CHN2: variants seen among roughly 807,000 people sequenced by gnomAD.
CHN2 encodes the protein beta-chimaerin.
Under a neutral mutation model 56.3 loss-of-function variants are expected in CHN2, and 35 were observed. The ratio of observed to expected loss-of-function variants is 0.62; its 90% CI spans 0.47 to 0.82. The LOEUF is 0.82. Among genes scored for constraint, CHN2 ranks in the 40% least tolerant of loss-of-function variants. CHN2 has a pLI of 0.00. For missense variants in CHN2, 491 were observed against 580.5 expected, an observed-to-expected ratio of 0.85 and a Z score of 1.58; for synonymous variants, 210 against 212.8, an observed-to-expected ratio of 0.99 and a Z score of 0.12.
At chr7:29,375,102 C>T (rs189237776) in intron 3 of CHN2, among the ~76,000 whole-genome samples, 2,043 of 147,982 alleles carry the variant, frequency 0.014, 21 homozygotes, top group Non-Finnish European at 0.022. Context: ...ATTGGTCAGG[C>T]GGGTCTTGAA....
chr7:29,421,881 AAGGG>A (rs1804382845), intron 6 of CHN2, among the ~76,000 whole-genome samples: 1 of 152,182 alleles, frequency 6.6e-6, no homozygotes, highest in Admixed American at 6.5e-5. Flanking sequence ...GGGAAGATTT[AAGGG>A]ACTTGAAGAA....
intron 1 of CHN2, among the ~76,000 whole-genome samples, chr7:29,299,208 G>T (rs1793446763): frequency 6.6e-6 from 1 of 152,172 alleles, no homozygotes; most frequent in South Asian, 2.1e-4. Context: ...GCGTAGACCG[G>T]TCGGAGTTTC....
chr7:29,399,677 A>G (rs954152119), intron 5 of CHN2, among the ~76,000 whole-genome samples: 1 of 152,206 alleles, frequency 6.6e-6, no homozygotes, highest in Non-Finnish European at 1.5e-5. Flanking sequence ...AGCCCTTCCC[A>G]GGCCCACAAT....
At chr7:29,470,424 G>A (rs1018023826) in intron 6 of CHN2, among the ~76,000 whole-genome samples, 1 of 152,244 alleles carries the variant, frequency 6.6e-6, no homozygotes, top group African/African-American at 2.4e-5. Flanking sequence ...TTGTTTGGGT[G>A]ATTGTTCACT....
At chr7:29,147,017 G>A (rs1178441539) in intron 2 of CHN2, 3 of 1,548,532 alleles carry the variant, frequency 1.9e-6, no homozygotes, top group Non-Finnish European at 2.6e-6. Context: ...TCACTGCGCT[G>A]GAGTCTCAGA....
chr7:29,165,341 A>G (rs554411055), intron 2 of CHN2, among the ~76,000 whole-genome samples: 13 of 152,290 alleles, frequency 8.5e-5, no homozygotes, highest in African/African-American at 1.7e-4. Context: ...TTACTACTGT[A>G]TAGAAACAAA....
intron 1 of CHN2, among the ~76,000 whole-genome samples, chr7:29,330,697 G>C (rs1287241711): frequency 6.6e-6 from 1 of 152,198 alleles, no homozygotes; most frequent in Non-Finnish European, 1.5e-5. Flanking sequence ...TGAAGAAAAG[G>C]AAAACAACCC....
chr7:29,173,344 A>T (rs1236105730), intron 2 of CHN2, among the ~76,000 whole-genome samples: 4 of 152,120 alleles, frequency 2.6e-5, no homozygotes, highest in African/African-American at 9.6e-5. Flanking sequence ...GCAGCCATAT[A>T]ATTTATCCTC....
At chr7:29,426,321 T>TCAA (rs1554291609) in intron 6 of CHN2, among the ~76,000 whole-genome samples, 3 of 151,588 alleles carry the variant, frequency 2.0e-5, no homozygotes, top group African/African-American at 7.3e-5. Context: ...TTTTATATGG[T>TCAA]TAATAATAAA....
At chr7:29,272,785 G>T (rs111481602) in intron 1 of CHN2, among the ~76,000 whole-genome samples, 1 of 151,992 alleles carries the variant, frequency 6.6e-6, no homozygotes, top group African/African-American at 2.4e-5. Context: ...GTGCCAACAC[G>T]CATTTTTAAA....
chr7:29,282,535 T>C lies in CHN2; in HGVS notation c.50-72090T>C, dbSNP rs1053759000. Among the ~76,000 whole-genome samples the C allele has an allele frequency of 1.3e-5, 2 of 152,236 alleles. 1 individual carries two copies. Among genetic ancestry groups the C allele is most frequent in the Non-Finnish European group, 2.9e-5 (2 of 68,044 alleles). Reference sequence around the variant, plus strand: ...CCTGAAAATTGTTTTTGAAAAATAATTGTTATAAAATAAATAATGTTTTAA... The same window carrying C: ...CCTGAAAATTGTTTTTGAAAAATAACTGTTATAAAATAAATAATGTTTTAA... On this transcript the variant is annotated intron_variant, in intron 1 of 12. Coordinates refer to ENST00000222792, the MANE Select transcript of CHN2 (RefSeq NM_004067.4).
At chr7:29,274,356 T>G (rs1005202231) in intron 1 of CHN2, among the ~76,000 whole-genome samples, 17 of 152,214 alleles carry the variant, frequency 1.1e-4, no homozygotes, top group African/African-American at 3.6e-4. Context: ...ACCAAAGGCT[T>G]TGTAAGAGAG....
intron 2 of CHN2, among the ~76,000 whole-genome samples, chr7:29,359,454 G>A (rs1037817949): frequency 6.6e-6 from 1 of 152,130 alleles, no homozygotes; most frequent in Non-Finnish European, 1.5e-5. Flanking sequence ...TTGGAGTTGG[G>A]CCACTAAGAT....
chr7:29,303,141 T>C lies in CHN2; in HGVS notation c.50-51484T>C, dbSNP rs150245270. Among the ~76,000 whole-genome samples, 1,050 of 152,284 alleles carry C rather than the reference T, an allele frequency of 6.9e-3. 13 individuals carry two copies. Among genetic ancestry groups the C allele is most frequent in the African/African-American group, 0.024 (1,004 of 41,562 alleles). On this transcript the variant is annotated intron_variant, in intron 1 of 12. Coordinates refer to ENST00000222792, the MANE Select transcript of CHN2 (RefSeq NM_004067.4). ...CTGGCGTCTGTTTCCCTGTCCCCAG[T>C]CATTCATCCCCCTAGTCATTGCCGT...
At chr7:29,399,252 C>T (rs979176802) in intron 5 of CHN2, among the ~76,000 whole-genome samples, 1 of 152,180 alleles carries the variant, frequency 6.6e-6, no homozygotes, top group Non-Finnish European at 1.5e-5. Flanking sequence ...GCGTCTTTGC[C>T]TCAGCTCCCA....
Position 29,367,959 on chromosome 7 carries a change from G to A in CHN2, c.116G>A (p.Arg39His), listed in dbSNP as rs528035980. ...YLYQLQQEAP[R>H]PKRIICPREV... is the part of the protein sequence containing the mutation. ...TATCAGTTACAGCAAGAGGCACCTC[G>A]TCCCAAGAGAATCATTTGTCCTCGG... The change falls in exon 3 of 13, where the codon CGT becomes CAT. Residue 39 changes from arginine to histidine, a missense_variant. By Grantham distance (29) the Arg-to-His change is conservative. Coordinates refer to ENST00000222792, the MANE Select transcript of CHN2 (RefSeq NM_004067.4). 53 of 1,610,384 alleles carry A rather than the reference G, an allele frequency of 3.3e-5. 1 individual carries two copies. Among genetic ancestry groups the A allele is most frequent in the South Asian group, 5.5e-5 (5 of 90,452 alleles).
intron 1 of CHN2, among the ~76,000 whole-genome samples, chr7:29,206,817 G>A (rs967042942): frequency 6.6e-6 from 1 of 152,126 alleles, no homozygotes; most frequent in Non-Finnish European, 1.5e-5. Context: ...GGATGAGCCT[G>A]GAAAACAGTA....
At chr7:29,505,038 A>G (rs1790416309) in intron 10 of CHN2, among the ~76,000 whole-genome samples, 1 of 152,112 alleles carries the variant, frequency 6.6e-6, no homozygotes, top group Non-Finnish European at 1.5e-5. Context: ...TGGGCAGACA[A>G]TCCACATGGC....
chr7:29,252,593 T>TG (rs1788697808), intron 1 of CHN2, among the ~76,000 whole-genome samples: 2 of 43,008 alleles, frequency 4.7e-5, no homozygotes, highest in African/African-American at 3.2e-4. Flanking sequence ...TTTTTTTTTT[T>TG]TTTTTTTTTT....
Sources: gnomAD v4.1 joint callset for allele counts (sites outside exome capture counted in the v4.1 genomes callset) on GRCh38, gnomAD v4.1.1 for gene constraint, MANE v1.5 for transcripts, NCBI Gene and HGNC (gene_info 2026-07-23, HGNC 2026-07-21) for gene names.